TCF7L2: variants seen among roughly 807,000 people sequenced by gnomAD.
The protein encoded by TCF7L2 is transcription factor 7 like 2, also known as transcription factor 7-like 2.
A neutral mutation model predicts 77.9 loss-of-function variants in TCF7L2; 23 were observed. That is an observed-to-expected ratio of 0.30 (90% CI 0.21 to 0.42). The LOEUF (loss-of-function observed/expected upper bound fraction) is 0.42, where lower values mean the gene tolerates loss of function less well. Ranked by LOEUF, TCF7L2 falls within the 10% of genes least tolerant of loss-of-function variation. TCF7L2 has a pLI of 1.00. For missense variants in TCF7L2, 654 were observed against 793.1 expected (o/e 0.82, Z 2.11); for synonymous variants, 413 against 340.2 (o/e 1.21, Z -2.36).
chr10:112,962,891 G>A (rs941535383), intron 3 of TCF7L2, among the ~76,000 whole-genome samples: 4 of 152,194 alleles, frequency 2.6e-5, no homozygotes, highest in Admixed American at 2.0e-4. Context: ...GAGCCACTGC[G>A]CCCTGCCAGC....
intron 4 of TCF7L2, among the ~76,000 whole-genome samples, chr10:112,974,438 T>C (rs1346332206): frequency 6.6e-6 from 1 of 152,100 alleles, no homozygotes; most frequent in African/African-American, 2.4e-5. Flanking sequence ...CTGCTGGTAT[T>C]TTCTTTTTTT....
chr10:112,993,916 G>A (rs1438393658), intron 4 of TCF7L2, among the ~76,000 whole-genome samples: 5 of 152,124 alleles, frequency 3.3e-5, no homozygotes, highest in African/African-American at 4.8e-5. Flanking sequence ...TTAGCTGGGC[G>A]TGGTGGCGCA....
At chr10:113,095,477 T>C (rs569296734) in intron 5 of TCF7L2, among the ~76,000 whole-genome samples, 2 of 152,340 alleles carry the variant, frequency 1.3e-5, no homozygotes, top group South Asian at 2.1e-4. Flanking sequence ...TTTTCTCTGC[T>C]GATCAACCGC....
chr10:112,980,392 T>C (rs1223365675), intron 4 of TCF7L2, among the ~76,000 whole-genome samples: 2 of 152,162 alleles, frequency 1.3e-5, no homozygotes, highest in Non-Finnish European at 2.9e-5. Context: ...AAGATATAAA[T>C]ATATAGCAAA....
At chr10:113,077,702 C>CA (rs2058844957) in intron 5 of TCF7L2, among the ~76,000 whole-genome samples, 1 of 134,114 alleles carries the variant, frequency 7.5e-6, no homozygotes. Flanking sequence ...TTCTTTTCTT[C>CA]TTTTTTTTTT....
chr10:113,164,938 AGCCTCTT>A (rs1346915626), intron 13 of TCF7L2, among the ~76,000 whole-genome samples: 1 of 152,138 alleles, frequency 6.6e-6, no homozygotes, highest in African/African-American at 2.4e-5. Context: ...AAAACCTTTA[AGCCTCTT>A]GCTAGCGCTG....
chr10:113,117,555 G>A (rs1317949471), intron 5 of TCF7L2, among the ~76,000 whole-genome samples: 1 of 151,868 alleles, frequency 6.6e-6, no homozygotes, highest in African/African-American at 2.4e-5. Flanking sequence ...TGGTTGGCTA[G>A]GAGAAGGCAA....
chr10:113,093,530 TC>T (rs1200749222), intron 5 of TCF7L2, among the ~76,000 whole-genome samples: 2 of 152,224 alleles, frequency 1.3e-5, no homozygotes, highest in Non-Finnish European at 2.9e-5. Flanking sequence ...TACTTTCTGT[TC>T]CATCTACATT....
chr10:113,059,563 C>G (rs768741481), intron 5 of TCF7L2, among the ~76,000 whole-genome samples: 13 of 152,008 alleles, frequency 8.6e-5, no homozygotes, highest in South Asian at 2.1e-4. Context: ...TTTCAGCTCA[C>G]GGTGGACTGT....
chr10:112,964,614 T>C lies in TCF7L2; in HGVS notation c.440T>C (p.Ile147Thr). Residue 147 changes from isoleucine to threonine, a missense_variant, in exon 4 of 14, where the codon ATT becomes ACT. Around this residue, in one of 6 missense-constraint regions of TCF7L2, gnomAD observed 179 missense variants for 270.6 expected, o/e 0.66. Coordinates refer to ENST00000627217, the MANE Select transcript of TCF7L2 (RefSeq NM_001146274.2). ...GCGTACAAAACGATTGAACACCAGATTGCAGTTCAGGTAGGAAACGCAAGA... is the reference window on the plus strand; with the variant it reads ...GCGTACAAAACGATTGAACACCAGACTGCAGTTCAGGTAGGAAACGCAAGA... The C allele has an allele frequency of 6.2e-7, 1 of 1,613,096 alleles. No individual in the cohort carries two copies. The highest frequency in any genetic ancestry group is 8.5e-7 in the Non-Finnish European group (1 of 1,179,278).
intron 3 of TCF7L2, 115 bp downstream of exon 3, chr10:112,951,722 C>G: frequency 2.5e-6 from 1 of 397,216 alleles, no homozygotes; most frequent in Non-Finnish European, 3.4e-6. Context: ...CCGCCTCCTC[C>G]CCTCCCTCCC....
At chr10:113,125,620 T>C (rs1056472062) in intron 5 of TCF7L2, 2 of 152,178 alleles carry the variant, frequency 1.3e-5, no homozygotes, top group African/African-American at 4.8e-5. Context: ...ACAAATACAA[T>C]ATTAATATTC....
chr10:113,112,527 A>G (rs1429099757), intron 5 of TCF7L2, among the ~76,000 whole-genome samples: 1 of 152,200 alleles, frequency 6.6e-6, no homozygotes, highest in African/African-American at 2.4e-5. Flanking sequence ...GGGTGTGTGC[A>G]CACCTAATTT....
chr10:113,060,720 G>A (rs2056298439), intron 5 of TCF7L2, among the ~76,000 whole-genome samples: 1 of 152,122 alleles, frequency 6.6e-6, no homozygotes, highest in Non-Finnish European at 1.5e-5. Flanking sequence ...ATGCGGAAGT[G>A]TAAATTGGTA....
intron 5 of TCF7L2, chr10:113,089,669 C>T: frequency 8.2e-7 from 1 of 1,225,814 alleles, no homozygotes; most frequent in South Asian, 1.7e-5. Flanking sequence ...GGGTCACTGT[C>T]ATTTTGGGTG....
chr10:113,141,757 T>C (rs1592230323), intron 6 of TCF7L2, among the ~76,000 whole-genome samples: 1 of 152,328 alleles, frequency 6.6e-6, no homozygotes. Flanking sequence ...GCTCCCTCAC[T>C]GGCTAAGAGG....
chr10:113,091,302 T>A (rs2060380326), intron 5 of TCF7L2, among the ~76,000 whole-genome samples: 1 of 152,220 alleles, frequency 6.6e-6, no homozygotes, highest in South Asian at 2.1e-4. Context: ...CTCATACGGT[T>A]TTGCAATTTC....
At chr10:112,957,241 A>AT (rs2033910737) in intron 3 of TCF7L2, among the ~76,000 whole-genome samples, 1 of 63,058 alleles carries the variant, frequency 1.6e-5, no homozygotes, top group Non-Finnish European at 2.9e-5. Flanking sequence ...TATATTGTGC[A>AT]TTTTCCCCAG....
intron 5 of TCF7L2, among the ~76,000 whole-genome samples, chr10:113,135,801 A>C (rs1457743261): frequency 6.6e-6 from 1 of 152,194 alleles, no homozygotes; most frequent in Non-Finnish European, 1.5e-5. Flanking sequence ...TAAGGCAGGG[A>C]ACACTGAGCT....
Sources: allele counts gnomAD v4.1 joint callset (sites outside exome capture counted in the v4.1 genomes callset), GRCh38; gene constraint gnomAD v4.1.1; regional missense constraint gnomAD v4.1.1; transcripts MANE v1.5; gene names NCBI Gene and HGNC (gene_info 2026-07-23, HGNC 2026-07-21).